The following ONECUT3 variants were observed in gnomAD, a reference collection of about 807,000 sequenced individuals.
ONECUT3 encodes one cut domain family member 3.
ONECUT3 carries 11 observed loss-of-function variants against 16.8 expected under a neutral mutation model. The observed-to-expected ratio is 0.66, with a 90% confidence interval of 0.41 to 1.09. The LOEUF (loss-of-function observed/expected upper bound fraction) is 1.09, where lower values mean the gene tolerates loss of function less well. ONECUT3 is among the 50% of genes least tolerant of loss of function. The pLI, the probability that ONECUT3 is intolerant of heterozygous loss-of-function variation, is 0.00. For missense variants in ONECUT3, 637 were observed against 629.9 expected, an observed-to-expected ratio of 1.01 and a Z score of -0.12; for synonymous variants, 344 against 310.7, an observed-to-expected ratio of 1.11 and a Z score of -1.13.
chr19:1,767,823 C>T (rs2068006886), intron 1 of ONECUT3, among the ~76,000 whole-genome samples: 1 of 152,072 alleles, frequency 6.6e-6, no homozygotes, highest in South Asian at 2.1e-4. Flanking sequence ...ACCATGACTG[C>T]GTTTGCCGGG....
Position 1,753,869 on chromosome 19 carries a change from C to G in ONECUT3, c.207C>G (p.Gly69=), listed in dbSNP as rs1218257461. ...GCGGTGGGGGCGCCGGGGGCGCGGG[C>G]GGCGCGGGCAGCGCGGGCGGCGGCG... ...GGGGGGAGGA[G]GAGSAGGGAD... Residue 69 remains glycine (G), a synonymous_variant, in exon 1 of 2, where the codon GGC becomes GGG. Transcript: ENST00000382349. 1.1e-5 allele frequency: 11 copies of G among 975,474 alleles called. No individual in the cohort carries two copies. Among genetic ancestry groups the G allele is most frequent in the Non-Finnish European group, 1.2e-5 (10 of 824,488 alleles). 60.4% of individuals were successfully genotyped at this position (975,474 alleles called of 1,614,324 possible). A position where few individuals can be genotyped will look rare whatever the true frequency, so the allele number is the denominator to read the frequency against.
chr19:1,766,291 G>C lies in ONECUT3; in HGVS notation c.1193-8862G>C, dbSNP rs1905257894. Among the ~76,000 whole-genome samples the C allele has an allele frequency of 3.3e-5, 5 of 152,152 alleles. No individual in the cohort carries two copies. Among genetic ancestry groups the C allele is most frequent in the Admixed American group, 2.0e-4 (3 of 15,274 alleles). On this transcript the variant is annotated intron_variant, in intron 1 of 1. Transcript: ENST00000382349. The surrounding 1 kb of genome is among the most constrained non-coding windows in gnomAD (Gnocchi z 4.0). ...CACACCCGATGGTGGACGGAGGCTG[G>C]CACCCTCAGCCCGCACGCGGCCAAC...
rs1035360680 is a variant in ONECUT3 at position 1,777,680 on chromosome 19, C to G, written c.*2235C>G. On this transcript the variant is annotated 3_prime_UTR_variant, in exon 2 of 2. Coordinates refer to ENST00000382349, the MANE Select transcript of ONECUT3 (RefSeq NM_001080488.2). ...ATGGGCCCAGCAGGTCCAGGGCCCA[C>G]GTTTTAATTTCTTTTTAAAAAGCTT... 6.6e-6 allele frequency: 1 copy of G among 152,170 alleles called. No individual in the cohort carries two copies. Among genetic ancestry groups the G allele is most frequent in the Non-Finnish European group, 1.5e-5 (1 of 68,048 alleles). The allele number at this position is 152,170 out of a possible 1,614,324, so 9.4% of individuals were successfully genotyped here. A position where few individuals can be genotyped will look rare whatever the true frequency, so the allele number is the denominator to read the frequency against.
At chr19:1,757,249 G>T (rs958961752) in intron 1 of ONECUT3, among the ~76,000 whole-genome samples, 10 of 152,224 alleles carry the variant, frequency 6.6e-5, no homozygotes, top group African/African-American at 2.4e-4. Flanking sequence ...CGCTCCTGCC[G>T]ACCCCACAGC....
chr19:1,780,361 C>A lies in ONECUT3; in HGVS notation c.*4916C>A, dbSNP rs1374179119. ...TCAAAGGGGGCTCTGGGACAATGTC[C>A]TCTGCCTCTGACTCCTCTTGTGCCA... On this transcript the variant is annotated 3_prime_UTR_variant, in exon 2 of 2. Transcript: ENST00000382349. 1 of 152,334 alleles carries A rather than the reference C, an allele frequency of 6.6e-6. No homozygotes were observed. The highest frequency in any genetic ancestry group is 1.5e-5 in the Non-Finnish European group (1 of 68,122). 9.4% of individuals were successfully genotyped at this position (152,334 alleles called of 1,614,324 possible).
At chr19:1,770,185 G>A (rs1379091222) in intron 1 of ONECUT3, among the ~76,000 whole-genome samples, 1 of 152,202 alleles carries the variant, frequency 6.6e-6, no homozygotes. Context: ...TTGAACCCAG[G>A]AGTTAGAGAC....
At position 1,776,213 on chromosome 19, in the gene ONECUT3, G is replaced by A. The variant is rs1231403825; in HGVS notation, c.*768G>A. The A allele has an allele frequency of 1.3e-5, 2 of 151,370 alleles. No individual in the cohort carries two copies. The highest frequency in any genetic ancestry group is 2.1e-4 in the South Asian group (1 of 4,794). The allele number at this position is 151,370 out of a possible 1,614,324, so 9.4% of individuals were successfully genotyped here. On this transcript the variant is annotated 3_prime_UTR_variant, in exon 2 of 2. Coordinates refer to ENST00000382349, the MANE Select transcript of ONECUT3 (RefSeq NM_001080488.2). This position sits in a 1 kb window ranked among gnomAD's most constrained non-coding sequence, Gnocchi z 4.9. ...AGGGGACGGGGGGCTCCCACGTGCGGGTAAATTCCAGACGCCCCCGCCCCG... is the reference window on the plus strand; with the variant it reads ...AGGGGACGGGGGGCTCCCACGTGCGAGTAAATTCCAGACGCCCCCGCCCCG...
At position 1,762,873 on chromosome 19, in the gene ONECUT3, C is replaced by T. The variant is rs2145960379; in HGVS notation, c.1192+8019C>T. On this transcript the variant is annotated intron_variant, in intron 1 of 1. Transcript: ENST00000382349. The surrounding 1 kb of genome is among the most constrained non-coding windows in gnomAD (Gnocchi z 4.4). Reference sequence around the variant, plus strand: ...CGCAGTGGGAGGACAAGACACGTTCCTCCTCCCCTCCTCCACCTCCCTTGT... The same window carrying T: ...CGCAGTGGGAGGACAAGACACGTTCTTCCTCCCCTCCTCCACCTCCCTTGT... 6.6e-6 allele frequency among the ~76,000 whole-genome samples: 1 copy of T among 152,320 alleles called. No individual in the cohort carries two copies. Among genetic ancestry groups the T allele is most frequent in the African/African-American group, 2.4e-5 (1 of 41,576 alleles).
At chr19:1,770,292 C>T (rs115438309) in intron 1 of ONECUT3, among the ~76,000 whole-genome samples, 2,435 of 151,984 alleles carry the variant, frequency 0.016, 67 homozygotes, top group African/African-American at 0.056. Context: ...TTTTAATTAG[C>T]CAGATGTGGT....
Position 1,775,681 on chromosome 19 carries a change from A to G in ONECUT3, c.*236A>G. On this transcript the variant is annotated 3_prime_UTR_variant, in exon 2 of 2. Coordinates refer to ENST00000382349, the MANE Select transcript of ONECUT3 (RefSeq NM_001080488.2). ...CCCTCCAGGCCAAAGGAAGCCCTCC[A>G]CCCCCCCCCGGAGGGGAGGGAGTGA... The G allele has an allele frequency of 7.4e-6, 2 of 269,820 alleles. No individual in the cohort carries two copies. Among genetic ancestry groups the G allele is most frequent in the South Asian group, 8.7e-5 (1 of 11,464 alleles). 16.7% of individuals were successfully genotyped at this position (269,820 alleles called of 1,614,324 possible). A position where few individuals can be genotyped will look rare whatever the true frequency, so the allele number is the denominator to read the frequency against.
chr19:1,774,327 T>A (rs1365732231), intron 1 of ONECUT3, among the ~76,000 whole-genome samples: 1 of 151,766 alleles, frequency 6.6e-6, no homozygotes, highest in African/African-American at 2.4e-5. Flanking sequence ...ACACCTGTAA[T>A]CCCAGTGCTT....
At chr19:1,769,742 G>A (rs754918796) in intron 1 of ONECUT3, among the ~76,000 whole-genome samples, 12 of 152,068 alleles carry the variant, frequency 7.9e-5, no homozygotes, top group Non-Finnish European at 1.0e-4. Flanking sequence ...AGCTGCTCGC[G>A]GTAAACAGCT....
chr19:1,753,523 C>T lies in ONECUT3; in HGVS notation c.-140C>T, dbSNP rs1208324188. On this transcript the variant is annotated 5_prime_UTR_variant, in exon 1 of 2. Transcript: ENST00000382349. ...CCCCTGCCACATCCTGGTGGCCGCG[C>T]TCGCAGCCGGGCCGGGCCGTGCGCC... 4.1e-6 allele frequency: 1 copy of T among 245,148 alleles called. No homozygotes were observed. The highest frequency in any genetic ancestry group is 1.5e-4 in the South Asian group (1 of 6,740). 15.2% of individuals were successfully genotyped at this position (245,148 alleles called of 1,614,324 possible).
rs557208053 is a variant in ONECUT3 at position 1,766,230 on chromosome 19, G to A, written c.1193-8923G>A. ...CTCAGACTTCGCCCTCCACCCCGCC[G>A]GGACATTTGGGAAGCCTCAGGCAGC... On this transcript the variant is annotated intron_variant, in intron 1 of 1. Transcript: ENST00000382349. The surrounding 1 kb of genome is among the most constrained non-coding windows in gnomAD (Gnocchi z 4.0). Among the ~76,000 whole-genome samples the A allele has an allele frequency of 3.6e-4, 54 of 148,106 alleles. No individual in the cohort carries two copies. Among genetic ancestry groups the A allele is most frequent in the Non-Finnish European group, 6.0e-4 (40 of 67,116 alleles).
intron 1 of ONECUT3, among the ~76,000 whole-genome samples, chr19:1,760,961 C>T (rs1227224559): frequency 1.3e-5 from 2 of 152,040 alleles, no homozygotes; most frequent in African/African-American, 4.8e-5. Flanking sequence ...GCTGCTTCTC[C>T]AACAACCATT....
chr19:1,761,471 A>G (rs1472120120), intron 1 of ONECUT3, among the ~76,000 whole-genome samples: 1 of 152,130 alleles, frequency 6.6e-6, no homozygotes, highest in African/African-American at 2.4e-5. Flanking sequence ...TAAAATATAA[A>G]TGTGGTTTCC....
Position 1,754,993 on chromosome 19 carries a change from A to T in ONECUT3, c.1192+139A>T. 8.6e-7 allele frequency: 1 copy of T among 1,164,512 alleles called. No individual in the cohort carries two copies. 72.1% of individuals were successfully genotyped at this position (1,164,512 alleles called of 1,614,324 possible). A position where few individuals can be genotyped will look rare whatever the true frequency, so the allele number is the denominator to read the frequency against. On this transcript the variant is annotated intron_variant, in intron 1 of 1. Transcript: ENST00000382349. This position sits in a 1 kb window ranked among gnomAD's most constrained non-coding sequence, Gnocchi z 7.4. ...CCCCGGCAGCCCGGGACCCCCTATC[A>T]GGAAGCTAGACCGCGATCCGCGCCG...
intron 1 of ONECUT3, among the ~76,000 whole-genome samples, chr19:1,765,044 C>T (rs534279322): frequency 2.0e-4 from 31 of 152,210 alleles, no homozygotes; most frequent in African/African-American, 6.5e-4. Flanking sequence ...GGTAGACTCA[C>T]GTGGCTTGGT....
chr19:1,768,906 T>A (rs1262277308), intron 1 of ONECUT3, among the ~76,000 whole-genome samples: 9 of 110,140 alleles, frequency 8.2e-5, no homozygotes, highest in Admixed American at 2.7e-4. Flanking sequence ...GTGGAGGTGG[T>A]GGAGGTGGAG....
Sources: allele counts gnomAD v4.1 joint callset (sites outside exome capture counted in the v4.1 genomes callset), GRCh38; gene constraint gnomAD v4.1.1; non-coding constraint Gnocchi (gnomAD v3.1); transcripts MANE v1.5; gene names NCBI Gene and HGNC (gene_info 2026-07-23, HGNC 2026-07-21).